HS3ST3A1: variants seen among roughly 807,000 people sequenced by gnomAD.
HS3ST3A1 encodes heparan sulfate glucosamine 3-O-sulfotransferase 3A1.
Under a neutral mutation model 25.7 loss-of-function variants are expected in HS3ST3A1, and 19 were observed. The ratio of observed to expected loss-of-function variants is 0.74; its 90% CI spans 0.52 to 1.08. The LOEUF is 1.08. Among genes scored for constraint, HS3ST3A1 ranks in the 50% least tolerant of loss-of-function variants. HS3ST3A1 has a pLI of 0.00. For synonymous variants in HS3ST3A1, 226 were observed against 278.6 expected (o/e 0.81, Z 1.88); for missense variants, 459 against 594.3 (o/e 0.77, Z 2.37).
chr17:13,592,433 G>A (rs143734331), intron 1 of HS3ST3A1, among the ~76,000 whole-genome samples: 234 of 152,154 alleles, frequency 1.5e-3, no homozygotes, highest in African/African-American at 5.1e-3. Flanking sequence ...GATATACCGC[G>A]GGGTCCAATT....
chr17:13,503,625 A>G (rs1044775258), intron 1 of HS3ST3A1, among the ~76,000 whole-genome samples: 1 of 152,228 alleles, frequency 6.6e-6, no homozygotes, highest in Non-Finnish European at 1.5e-5. Flanking sequence ...ACGAGAAGGC[A>G]CTGAACTTCA....
intron 1 of HS3ST3A1, among the ~76,000 whole-genome samples, chr17:13,522,231 T>TAAAA (rs11440630): frequency 1.3e-4 from 19 of 148,316 alleles, no homozygotes; most frequent in East Asian, 7.9e-4. Flanking sequence ...TGGATTATGG[T>TAAAA]AAAAAAAAAA....
intron 1 of HS3ST3A1, among the ~76,000 whole-genome samples, chr17:13,578,572 A>G (rs1396454591): frequency 2.0e-5 from 3 of 151,324 alleles, no homozygotes; most frequent in Non-Finnish European, 4.4e-5. Flanking sequence ...CAAAAAAAAA[A>G]AAAAAAAAAA....
intron 1 of HS3ST3A1, among the ~76,000 whole-genome samples, chr17:13,533,892 A>G (rs1232759278): frequency 6.6e-6 from 1 of 152,214 alleles, no homozygotes; most frequent in Non-Finnish European, 1.5e-5. Context: ...CTTCTCTGAG[A>G]GCATTTTCAC....
chr17:13,576,050 C>G (rs1011930116), intron 1 of HS3ST3A1, among the ~76,000 whole-genome samples: 1 of 152,198 alleles, frequency 6.6e-6, no homozygotes, highest in Middle Eastern at 3.2e-3. Context: ...GGCCCAGGAA[C>G]TTGAGTTTTA....
intron 1 of HS3ST3A1, among the ~76,000 whole-genome samples, chr17:13,599,335 G>A (rs1302768617): frequency 1.3e-5 from 2 of 152,162 alleles, no homozygotes; most frequent in African/African-American, 4.8e-5. Context: ...TGGATTGACT[G>A]TAAATTCGGC....
At chr17:13,582,978 C>A (rs1353827646) in intron 1 of HS3ST3A1, among the ~76,000 whole-genome samples, 1 of 152,024 alleles carries the variant, frequency 6.6e-6, no homozygotes, top group Non-Finnish European at 1.5e-5. Context: ...CATTCATTCT[C>A]CAGATATGAG....
chr17:13,568,966 A>G (rs1322753198), intron 1 of HS3ST3A1, among the ~76,000 whole-genome samples: 3 of 151,958 alleles, frequency 2.0e-5, no homozygotes, highest in Admixed American at 1.3e-4. Context: ...GACTTTTTTT[A>G]TTTTTATTTT....
At chr17:13,497,096 C>T (rs1027486145) in intron 1 of HS3ST3A1, among the ~76,000 whole-genome samples, 2 of 152,132 alleles carry the variant, frequency 1.3e-5, no homozygotes, top group Non-Finnish European at 2.9e-5. Flanking sequence ...CGAATAAATG[C>T]CACGTTAAGT....
chr17:13,593,339 C>T lies in HS3ST3A1; in HGVS notation c.599+7192G>A, dbSNP rs187873798. On this transcript the variant is annotated intron_variant, in intron 1 of 1. Transcript: ENST00000284110. ...CTCAGAGACCTGTCATTTACATCAA[C>T]GTTTTTGTTCTCTATGACAGGAAGC... Among the ~76,000 whole-genome samples the T allele has an allele frequency of 5.3e-3, 799 of 151,728 alleles. 12 individuals carry two copies. The highest frequency in any genetic ancestry group is 0.029 in the South Asian group (139 of 4,808).
chr17:13,521,820 C>A (rs951128052), intron 1 of HS3ST3A1, among the ~76,000 whole-genome samples: 1 of 152,184 alleles, frequency 6.6e-6, no homozygotes, highest in African/African-American at 2.4e-5. Context: ...GGATACAACT[C>A]TTTAGATAGG....
intron 1 of HS3ST3A1, among the ~76,000 whole-genome samples, chr17:13,518,025 G>A (rs555194714): frequency 6.6e-6 from 1 of 152,152 alleles, no homozygotes; most frequent in East Asian, 1.9e-4. Flanking sequence ...AAAAGTGCTT[G>A]AAAAAATGGA....
chr17:13,539,346 A>C (rs189897851), intron 1 of HS3ST3A1, among the ~76,000 whole-genome samples: 175 of 152,320 alleles, frequency 1.1e-3, no homozygotes, highest in African/African-American at 3.9e-3. Context: ...GAATGCACAA[A>C]TATGGGTGGG....
At chr17:13,508,676 C>A in intron 1 of HS3ST3A1, among the ~76,000 whole-genome samples, 1 of 152,190 alleles carries the variant, frequency 6.6e-6, no homozygotes, top group East Asian at 1.9e-4. Context: ...GTCCCAAATT[C>A]TGTTTTAAAG....
chr17:13,500,895 G>T (rs776198439), intron 1 of HS3ST3A1, among the ~76,000 whole-genome samples: 3 of 152,100 alleles, frequency 2.0e-5, no homozygotes, highest in Admixed American at 6.5e-5. Flanking sequence ...ACAGATGAAC[G>T]GATAAACAAA....
chr17:13,601,500 C>G lies in HS3ST3A1; in HGVS notation c.-371G>C, dbSNP rs1444529958. The G allele has an allele frequency of 9.8e-6, 2 of 204,832 alleles. No homozygotes were observed. The highest frequency in any genetic ancestry group is 2.4e-4 in the East Asian group (2 of 8,376). 12.7% of individuals were successfully genotyped at this position (204,832 alleles called of 1,614,324 possible). A position where few individuals can be genotyped will look rare whatever the true frequency, so the allele number is the denominator to read the frequency against. On this transcript the variant is annotated 5_prime_UTR_variant, in exon 1 of 2. Coordinates refer to ENST00000284110, the MANE Select transcript of HS3ST3A1 (RefSeq NM_006042.3). ...GGTGTCGAAGGCGTGCGTCTCAGCC[C>G]CGGCCCCGAGAGACTTCTCGGCGCG... is the stretch of plus-strand genomic sequence containing the variant.
chr17:13,600,640 C>A lies in HS3ST3A1; in HGVS notation c.490G>T (p.Gly164Cys). ...AGGAACTCCAGCAGCGCCCGCGTGC[C>A]GCCCTTCTTCACTCCGATGATGATG... ...QAIIIGVKKG[G>C]TRALLEFLRV... Residue 164 changes from glycine to cysteine, a missense_variant, in exon 1 of 2, where the codon GGC (glycine) becomes TGC (cysteine). This residue lies in a region of HS3ST3A1 where 346 missense variants were observed against 303.9 expected (regional missense o/e 1.14). Coordinates refer to ENST00000284110, the MANE Select transcript of HS3ST3A1 (RefSeq NM_006042.3). 10 of 1,594,398 alleles carry A rather than the reference C, an allele frequency of 6.3e-6. No homozygotes were observed. The highest frequency in any genetic ancestry group is 1.1e-5 in the South Asian group (1 of 89,500).
chr17:13,544,055 A>T (rs975745866), intron 1 of HS3ST3A1, among the ~76,000 whole-genome samples: 1 of 152,356 alleles, frequency 6.6e-6, no homozygotes, highest in South Asian at 2.1e-4. Flanking sequence ...CATCAAATAA[A>T]TAGAAAACAT....
chr17:13,569,303 C>T (rs965779258), intron 1 of HS3ST3A1, among the ~76,000 whole-genome samples: 2 of 152,126 alleles, frequency 1.3e-5, no homozygotes, highest in African/African-American at 2.4e-5. Flanking sequence ...TTTTATGCAG[C>T]GTTCTTTTGT....
Sources: gnomAD v4.1 joint callset for allele counts (sites outside exome capture counted in the v4.1 genomes callset) on GRCh38, gnomAD v4.1.1 for gene constraint, gnomAD v4.1.1 regional missense constraint, MANE v1.5 for transcripts, NCBI Gene and HGNC (gene_info 2026-07-23, HGNC 2026-07-21) for gene names.